The following RPS6KB1 variants were observed in gnomAD, a reference collection of about 807,000 sequenced individuals.
The protein encoded by RPS6KB1 is ribosomal protein S6 kinase beta-1.
RPS6KB1 carries 12 observed loss-of-function variants against 70.2 expected under a neutral mutation model. The ratio of observed to expected loss-of-function variants is 0.17; its 90% confidence interval spans 0.11 to 0.28. The LOEUF (loss-of-function observed/expected upper bound fraction) is 0.28. RPS6KB1 is among the 10% of genes least tolerant of loss of function. The pLI is 1.00. For synonymous variants in RPS6KB1, 175 were observed against 211.2 expected, an observed-to-expected ratio of 0.83 and a Z score of 1.49; for missense variants, 270 against 646.6, an observed-to-expected ratio of 0.42 and a Z score of 6.32.
chr17:59,926,401 AT>A (rs965408521), intron 4 of RPS6KB1, 33 bp from the exon 5 acceptor site: 2 of 1,457,670 alleles, frequency 1.4e-6, no homozygotes, highest in African/African-American at 2.9e-5. Context: ...AATGTTCACT[AT>A]TTTGTTCTTA....
At chr17:59,942,204 C>G (rs2044653882) in intron 13 of RPS6KB1, among the ~76,000 whole-genome samples, 1 of 152,148 alleles carries the variant, frequency 6.6e-6, no homozygotes, top group South Asian at 2.1e-4. Context: ...CTTGGCCTCC[C>G]AAAGTGTTGG....
Position 59,947,428 on chromosome 17 carries a change from G to A in RPS6KB1, c.*640G>A. ...CAGACAACTTCTGTTTCTTCTCTTG[G>A]TGAAATAATAAAATGCAAATGAATC... On this transcript the variant is annotated 3_prime_UTR_variant, in exon 15 of 15. Transcript: ENST00000225577. The A allele has an allele frequency of 7.8e-7, 1 of 1,282,878 alleles. No individual in the cohort carries two copies. The highest frequency in any genetic ancestry group is 9.9e-7 in the Non-Finnish European group (1 of 1,007,554). The allele number at this position is 1,282,878 out of a possible 1,614,324, so 79.5% of individuals were successfully genotyped here. A position where few individuals can be genotyped will look rare whatever the true frequency, so the allele number is the denominator to read the frequency against.
chr17:59,935,957 GT>G (rs1021462045), intron 10 of RPS6KB1, among the ~76,000 whole-genome samples: 50 of 151,394 alleles, frequency 3.3e-4, no homozygotes, highest in African/African-American at 1.2e-3. Flanking sequence ...GATTACAGGT[GT>G]TCACCACCAC....
chr17:59,934,299 A>G lies in RPS6KB1; in HGVS notation c.779+39A>G, dbSNP rs745540354. The G allele has an allele frequency of 2.1e-5, 31 of 1,498,134 alleles. No individual in the cohort carries two copies. In the South Asian group the frequency reaches 3.2e-4, roughly 15 times the overall value. The allele number at this position is 1,498,134 out of a possible 1,614,324, so 92.8% of individuals were successfully genotyped here. A position where few individuals can be genotyped will look rare whatever the true frequency, so the allele number is the denominator to read the frequency against. Reference sequence around the variant, plus strand: ...TAAACATAATTGGTTTGGGGGTAATAGCTAATTTTACCTGTTTTAAGGAAT... The same window carrying G: ...TAAACATAATTGGTTTGGGGGTAATGGCTAATTTTACCTGTTTTAAGGAAT... On this transcript the variant is annotated intron_variant, in intron 8 of 14. Coordinates refer to ENST00000225577, the MANE Select transcript of RPS6KB1 (RefSeq NM_003161.4). This position sits in a 1 kb window ranked among gnomAD's most constrained non-coding sequence, Gnocchi z 4.8.
chr17:59,902,578 C>CTTT (rs559757964), intron 1 of RPS6KB1, among the ~76,000 whole-genome samples: 7 of 134,352 alleles, frequency 5.2e-5, no homozygotes, highest in African/African-American at 8.1e-5. Flanking sequence ...TTTTTTGTTT[C>CTTT]TTTTTTTTTT....
chr17:59,928,006 A>C (rs2043715424), intron 5 of RPS6KB1, among the ~76,000 whole-genome samples: 1 of 151,580 alleles, frequency 6.6e-6, no homozygotes, highest in Non-Finnish European at 1.5e-5. Flanking sequence ...AAAAATAGAA[A>C]AATTAGCTGG....
chr17:59,946,919 C>A lies in RPS6KB1; in HGVS notation c.*131C>A. The A allele has an allele frequency of 6.7e-7, 1 of 1,495,586 alleles. No homozygotes were observed. Among genetic ancestry groups the A allele is most frequent in the South Asian group, 1.4e-5 (1 of 70,808 alleles). 92.6% of individuals were successfully genotyped at this position (1,495,586 alleles called of 1,614,324 possible). A position where few individuals can be genotyped will look rare whatever the true frequency, so the allele number is the denominator to read the frequency against. On this transcript the variant is annotated 3_prime_UTR_variant, in exon 15 of 15. Coordinates refer to ENST00000225577, the MANE Select transcript of RPS6KB1 (RefSeq NM_003161.4). This position sits in a 1 kb window ranked among gnomAD's most constrained non-coding sequence, Gnocchi z 4.2. ...GTCATTACATAGAACACTTCAGACA[C>A]AGGAAAAATAAACGTGGATTTTAAA...
chr17:59,911,444 T>A (rs1272895947), intron 2 of RPS6KB1, among the ~76,000 whole-genome samples: 11 of 150,522 alleles, frequency 7.3e-5, no homozygotes, highest in Non-Finnish European at 2.9e-5. Context: ...CACCACAACC[T>A]CCACCTCCTG....
intron 1 of RPS6KB1, among the ~76,000 whole-genome samples, chr17:59,909,440 G>A (rs1011681300): frequency 2.7e-5 from 4 of 148,354 alleles, no homozygotes; most frequent in African/African-American, 9.9e-5. Context: ...TCTAATTTTT[G>A]TATTTTTATT....
intron 1 of RPS6KB1, among the ~76,000 whole-genome samples, chr17:59,902,626 G>A (rs1361665497): frequency 1.4e-5 from 2 of 144,194 alleles, no homozygotes; most frequent in Non-Finnish European, 3.0e-5. Context: ...TGCCCATGCT[G>A]TAGTGCAGTG....
chr17:59,950,070 A>G lies in RPS6KB1; in HGVS notation c.*3282A>G, dbSNP rs2045130851. The G allele has an allele frequency of 6.6e-6, 1 of 152,578 alleles. No individual in the cohort carries two copies. The highest frequency in any genetic ancestry group is 2.4e-5 in the African/African-American group (1 of 41,476). 9.5% of individuals were successfully genotyped at this position (152,578 alleles called of 1,614,324 possible). On this transcript the variant is annotated 3_prime_UTR_variant, in exon 15 of 15. Transcript: ENST00000225577. ...AGGAGTAGACACTAGCAAGCTGGAC[A>G]AACTATCACAAAAGTATTTGTCACA...
rs377116966 is a variant in RPS6KB1, at chr17:59,922,710, A to G, written c.382-3725A>G. ...CAGGCGTGCGCCATCGCGCCCAGCT[A>G]ATTTTTTGTATTTTTAGTAGAGATG... On this transcript the variant is annotated intron_variant, in intron 4 of 14. Coordinates refer to ENST00000225577, the MANE Select transcript of RPS6KB1 (RefSeq NM_003161.4). Among the ~76,000 whole-genome samples, 10 of 150,188 alleles carry G rather than the reference A, an allele frequency of 6.7e-5. No homozygotes were observed. In the East Asian group the frequency reaches 8.0e-4, roughly 12 times the overall value.
intron 13 of RPS6KB1, among the ~76,000 whole-genome samples, chr17:59,942,007 C>T (rs1403962244): frequency 5.3e-5 from 8 of 152,182 alleles, no homozygotes; most frequent in East Asian, 1.9e-4. Context: ...TACAGGTGCC[C>T]GCCACCACGC....
In RPS6KB1 at chr17:59,946,500, T is replaced by C; in HGVS notation, c.1341-51T>C. 1 of 1,318,178 alleles carries C rather than the reference T, an allele frequency of 7.6e-7. No homozygotes were observed. Among genetic ancestry groups the C allele is most frequent in the Non-Finnish European group, 1.1e-6 (1 of 912,828 alleles). 81.7% of individuals were successfully genotyped at this position (1,318,178 alleles called of 1,614,324 possible). On this transcript the variant is annotated intron_variant, in intron 14 of 14. Transcript: ENST00000225577. The surrounding 1 kb of genome is among the most constrained non-coding windows in gnomAD (Gnocchi z 4.2). ...CTTTAAACGTAAAGGAAATATGTCT[T>C]GTTGAGATGACCCTTAAGCAAATGA...
At chr17:59,938,185 G>GGT (rs1555653088) in intron 12 of RPS6KB1, among the ~76,000 whole-genome samples, 4 of 84,850 alleles carry the variant, frequency 4.7e-5, no homozygotes, top group Non-Finnish European at 8.0e-5. Context: ...TTTTTTTTTT[G>GGT]GGGGGGGGAT....
Position 59,918,448 on chromosome 17 carries a change from C to T in RPS6KB1, c.381+3745C>T, listed in dbSNP as rs527826049. On this transcript the variant is annotated intron_variant, in intron 4 of 14. Coordinates refer to ENST00000225577, the MANE Select transcript of RPS6KB1 (RefSeq NM_003161.4). ...GCAGTGGTGCGATCTTGGCTCACTG[C>T]AACCCCTGCCTCCTGCGTTCAAGCG... Among the ~76,000 whole-genome samples, 14 of 152,078 alleles carry T rather than the reference C, an allele frequency of 9.2e-5. No homozygotes were observed. In the South Asian group the frequency reaches 2.9e-3, roughly 32 times the overall value.
chr17:59,921,479 T>C (rs1398330221), intron 4 of RPS6KB1, among the ~76,000 whole-genome samples: 1 of 152,144 alleles, frequency 6.6e-6, no homozygotes, highest in Non-Finnish European at 1.5e-5. Flanking sequence ...TGATTTTAAT[T>C]ATCCTGGAGG....
intron 4 of RPS6KB1, 136 bp downstream of exon 4, chr17:59,914,839 G>A: frequency 1.4e-6 from 1 of 692,572 alleles, no homozygotes; most frequent in Non-Finnish European, 2.5e-6. Flanking sequence ...TCAAAAAAAT[G>A]TATCTCAAGC....
rs534194508 is a variant in RPS6KB1 at position 59,925,709 on chromosome 17, A to G, written c.382-726A>G. 2.6e-5 allele frequency among the ~76,000 whole-genome samples: 4 copies of G among 152,264 alleles called. No homozygotes were observed. The South Asian group carries it at 8.3e-4, about 32-fold the overall frequency. On this transcript the variant is annotated intron_variant, in intron 4 of 14. Coordinates refer to ENST00000225577, the MANE Select transcript of RPS6KB1 (RefSeq NM_003161.4). Reference sequence around the variant, plus strand: ...TCTAGCCTAATCTCTAACCACTTCTAACCATACCAAACTACTTGTAGATTT... The same window carrying G: ...TCTAGCCTAATCTCTAACCACTTCTGACCATACCAAACTACTTGTAGATTT...
Sources: gnomAD v4.1 joint callset for allele counts (sites outside exome capture counted in the v4.1 genomes callset) on GRCh38, gnomAD v4.1.1 for gene constraint, Gnocchi (gnomAD v3.1) non-coding constraint, MANE v1.5 for transcripts, NCBI Gene and HGNC (gene_info 2026-07-23, HGNC 2026-07-21) for gene names.